The following C1GALT1 variants were observed in gnomAD, a reference collection of about 807,000 sequenced individuals.
The protein encoded by C1GALT1 is glycoprotein-N-acetylgalactosamine 3-beta-galactosyltransferase 1.
C1GALT1 carries 11 observed loss-of-function variants against 31.0 expected under a neutral mutation model. The observed-to-expected ratio is 0.36, with a 90% confidence interval of 0.22 to 0.59. The LOEUF is 0.59. Among genes scored for constraint, C1GALT1 ranks in the 20% least tolerant of loss-of-function variants. C1GALT1 has a pLI of 0.79. For synonymous variants in C1GALT1, 175 were observed against 143.6 expected, an observed-to-expected ratio of 1.22 and a Z score of -1.56; for missense variants, 424 against 425.2, an observed-to-expected ratio of 1.00 and a Z score of 0.03.
intron 1 of C1GALT1, among the ~76,000 whole-genome samples, chr7:7,200,094 T>G (rs1781471846): frequency 6.6e-6 from 1 of 152,226 alleles, no homozygotes; most frequent in Admixed American, 6.5e-5. Flanking sequence ...TGATGTTAGC[T>G]GGTTATTTTG....
intron 1 of C1GALT1, among the ~76,000 whole-genome samples, chr7:7,225,652 ATTTGAG>A (rs1195362808): frequency 6.6e-6 from 1 of 152,208 alleles, no homozygotes; most frequent in Non-Finnish European, 1.5e-5. Context: ...ATAGAGAAAC[ATTTGAG>A]TTTTTTAATG....
At chr7:7,222,430 C>G (rs1359923979) in intron 1 of C1GALT1, among the ~76,000 whole-genome samples, 1 of 151,980 alleles carries the variant, frequency 6.6e-6, no homozygotes, top group Non-Finnish European at 1.5e-5. Context: ...CTATGGTTGT[C>G]TATTAGGTTG....
At chr7:7,180,910 C>CAG (rs548753381), upstream of C1GALT1, among the ~76,000 whole-genome samples, 2 of 127,784 alleles carry the variant, frequency 1.6e-5, no homozygotes, top group African/African-American at 3.0e-5. Context: ...CATATCTCTT[C>CAG]AAAAAAAAAA....
chr7:7,245,305 G>A lies in C1GALT1; in HGVS notation c.*1578G>A, dbSNP rs150516740. On this transcript the variant is annotated 3_prime_UTR_variant, in exon 4 of 4. Coordinates refer to ENST00000436587, the MANE Select transcript of C1GALT1 (RefSeq NM_020156.5). Reference sequence around the variant, plus strand: ...CGATTCTCCTGCCTCAGCCTCCCGAGTAGCGGGGATTACAGGCACGCGCTG... The same window carrying A: ...CGATTCTCCTGCCTCAGCCTCCCGAATAGCGGGGATTACAGGCACGCGCTG... The A allele has an allele frequency of 0.015, 2,271 of 152,430 alleles. 31 individuals carry two copies. The highest frequency in any genetic ancestry group is 0.04 in the African/African-American group (1,666 of 41,578). The allele number at this position is 152,430 out of a possible 1,614,324, so 9.4% of individuals were successfully genotyped here.
chr7:7,185,093 GAAA>G (rs920790181), intron 1 of C1GALT1, among the ~76,000 whole-genome samples: 4 of 151,700 alleles, frequency 2.6e-5, no homozygotes, highest in African/African-American at 9.7e-5. Context: ...GGAAGAGGGA[GAAA>G]AAAAATATAT....
intron 1 of C1GALT1, among the ~76,000 whole-genome samples, chr7:7,226,713 G>C (rs541348940): frequency 5.4e-4 from 82 of 152,150 alleles, no homozygotes; most frequent in African/African-American, 1.8e-3. Context: ...CTGAAACCCA[G>C]CTAACAAAAA....
intron 1 of C1GALT1, chr7:7,183,459 T>A: frequency 3.5e-6 from 1 of 283,820 alleles, no homozygotes. Context: ...GATACGTGTG[T>A]GTTGGGGCAT....
chr7:7,184,006 T>G (rs1373505428), intron 1 of C1GALT1, among the ~76,000 whole-genome samples: 2 of 152,198 alleles, frequency 1.3e-5, no homozygotes, highest in Non-Finnish European at 2.9e-5. Context: ...TGCTTCATTC[T>G]GGTGTGAGTT....
intron 3 of C1GALT1, among the ~76,000 whole-genome samples, chr7:7,240,946 C>A (rs1783599468): frequency 6.6e-6 from 1 of 151,870 alleles, no homozygotes; most frequent in Non-Finnish European, 1.5e-5. Flanking sequence ...AAAAGATATT[C>A]TAATTCATGA....
intron 1 of C1GALT1, among the ~76,000 whole-genome samples, chr7:7,196,457 C>T (rs1781292615): frequency 6.6e-6 from 1 of 152,164 alleles, no homozygotes; most frequent in South Asian, 2.1e-4. Flanking sequence ...TTACTCCAGT[C>T]TATCATTGAT....
chr7:7,246,547 G>C lies in C1GALT1; in HGVS notation c.*2820G>C, dbSNP rs548557324. The C allele has an allele frequency of 6.6e-6, 1 of 152,154 alleles. No individual in the cohort carries two copies. The highest frequency in any genetic ancestry group is 1.9e-4 in the East Asian group (1 of 5,182). The allele number at this position is 152,154 out of a possible 1,614,324, so 9.4% of individuals were successfully genotyped here. ...AGTATGCATTCTTACCAGATACCTTGGGCAGTGACTGTCAAAAGTCTGGTC... is the reference window on the plus strand; with the variant it reads ...AGTATGCATTCTTACCAGATACCTTCGGCAGTGACTGTCAAAAGTCTGGTC... On this transcript the variant is annotated 3_prime_UTR_variant, in exon 4 of 4. Coordinates refer to ENST00000436587, the MANE Select transcript of C1GALT1 (RefSeq NM_020156.5).
In C1GALT1 at chr7:7,227,707, G is replaced by A. The variant is rs1364185437; in HGVS notation, c.-17-6596G>A. On this transcript the variant is annotated intron_variant, in intron 1 of 3. Transcript: ENST00000436587. ...TGCACTCCAGCCTGGGCAACAGAGC[G>A]AGACTCCGTCTCAAAAAAAAAAAAA... 3.3e-4 allele frequency among the ~76,000 whole-genome samples: 43 copies of A among 132,102 alleles called. No homozygotes were observed. In the East Asian group the frequency reaches 5.9e-3, roughly 18 times the overall value. The allele number at this position is 132,102 out of a possible 152,430, so 86.7% of individuals were successfully genotyped here. A position where few individuals can be genotyped will look rare whatever the true frequency, so the allele number is the denominator to read the frequency against.
rs535498031 is a variant in C1GALT1, at chr7:7,164,580, G to T, written c.-18+7154G>T. 2.6e-5 allele frequency among the ~76,000 whole-genome samples: 4 copies of T among 152,286 alleles called. No homozygotes were observed. In the East Asian group the frequency reaches 7.7e-4, roughly 29 times the overall value. The stretch of plus-strand genomic sequence containing the variant: ...CAGCACCTGTGCATGGAAAGAGACA[G>T]AAGCAGGATTGGACAGTGGGAAAAG... On this transcript the variant is annotated intron_variant, in intron 2 of 3. Transcript: ENST00000429911.
upstream of C1GALT1, among the ~76,000 whole-genome samples, chr7:7,181,562 C>G (rs1395504187): frequency 6.6e-6 from 1 of 152,122 alleles, no homozygotes; most frequent in South Asian, 2.1e-4. Flanking sequence ...TACAGCTGAA[C>G]CTAAGCAAAT....
chr7:7,182,854 T>C, intron 1 of C1GALT1, 34 bp downstream of exon 1: 1 of 985,046 alleles, frequency 1.0e-6, no homozygotes, highest in Non-Finnish European at 1.2e-6. Flanking sequence ...AGGCTACGGG[T>C]CCAAGGTCTC....
At chr7:7,179,340 G>T (rs541599490), upstream of C1GALT1, among the ~76,000 whole-genome samples, 32 of 152,170 alleles carry the variant, frequency 2.1e-4, no homozygotes, top group Non-Finnish European at 4.6e-4. Flanking sequence ...GAAGGAAGAA[G>T]TATCAAATAA....
intron 1 of C1GALT1, among the ~76,000 whole-genome samples, chr7:7,202,975 G>A (rs1397527009): frequency 6.6e-6 from 1 of 151,508 alleles, no homozygotes; most frequent in South Asian, 2.1e-4. Context: ...TTTTTTTGCT[G>A]TTGTAAATGG....
At position 7,244,829 on chromosome 7, in the gene C1GALT1, A is replaced by G. The variant is rs1334815093; in HGVS notation, c.*1102A>G. 6.6e-6 allele frequency: 1 copy of G among 152,220 alleles called. No homozygotes were observed. The highest frequency in any genetic ancestry group is 1.5e-5 in the Non-Finnish European group (1 of 68,024). 9.4% of individuals were successfully genotyped at this position (152,220 alleles called of 1,614,324 possible). A position where few individuals can be genotyped will look rare whatever the true frequency, so the allele number is the denominator to read the frequency against. ...AGCAAGATTTTGATGAGAATTAAAAACAATAGAAAATGTAGAGTGCTTAAA... is the reference window on the plus strand; with the variant it reads ...AGCAAGATTTTGATGAGAATTAAAAGCAATAGAAAATGTAGAGTGCTTAAA... On this transcript the variant is annotated 3_prime_UTR_variant, in exon 4 of 4. Transcript: ENST00000436587.
chr7:7,161,238 A>G (rs1351383846), intron 2 of C1GALT1, among the ~76,000 whole-genome samples: 1 of 152,092 alleles, frequency 6.6e-6, no homozygotes, highest in Non-Finnish European at 1.5e-5. Flanking sequence ...GTTTGCTTCT[A>G]TTTTGGGGAG....
Sources: allele counts gnomAD v4.1 joint callset (sites outside exome capture counted in the v4.1 genomes callset), GRCh38; gene constraint gnomAD v4.1.1; transcripts MANE v1.5; gene names NCBI Gene and HGNC (gene_info 2026-07-23, HGNC 2026-07-21).